Variants in RCAN1 observed in about 807,000 individuals in gnomAD.
RCAN1 encodes regulator of calcineurin 1.
RCAN1 carries 11 observed loss-of-function variants against 22.9 expected under a neutral mutation model. That is an observed-to-expected ratio of 0.48 (90% CI 0.30 to 0.79). The LOEUF (loss-of-function observed/expected upper bound fraction) is 0.79, where lower values mean the gene tolerates loss of function less well. Ranked by LOEUF, RCAN1 falls within the 30% of genes least tolerant of loss-of-function variation. The probability of loss-of-function intolerance (pLI) is 0.06; values close to 1 mark genes in which losing one functional copy is unlikely to be tolerated. For synonymous variants in RCAN1, 136 were observed against 142.3 expected, an observed-to-expected ratio of 0.96 and a Z score of 0.32; for missense variants, 291 against 337.8, an observed-to-expected ratio of 0.86 and a Z score of 1.09.
chr21:34,584,330 G>C (rs1601199237), intron 1 of RCAN1, among the ~76,000 whole-genome samples: 1 of 152,218 alleles, frequency 6.6e-6, no homozygotes, highest in East Asian at 1.9e-4. Context: ...AAAGCAAAAT[G>C]ATGATGAAAA....
chr21:34,555,555 G>C (rs1043510407), intron 1 of RCAN1, among the ~76,000 whole-genome samples: 2 of 146,544 alleles, frequency 1.4e-5, no homozygotes, highest in African/African-American at 5.2e-5. Context: ...CCTGGCGACA[G>C]AGCAAGGCTG....
intron 1 of RCAN1, among the ~76,000 whole-genome samples, chr21:34,602,783 A>C (rs998288818): frequency 2.0e-5 from 3 of 152,200 alleles, no homozygotes; most frequent in Admixed American, 2.0e-4. Context: ...AATTCCCATT[A>C]TCTCTGAAAT....
intron 1 of RCAN1, among the ~76,000 whole-genome samples, chr21:34,611,029 G>T (rs943589466): frequency 6.6e-6 from 1 of 152,068 alleles, no homozygotes. Flanking sequence ...CTGAAAAAAG[G>T]GTATTTGTTT....
intron 1 of RCAN1, chr21:34,527,019 TC>T: frequency 8.3e-7 from 1 of 1,210,568 alleles, no homozygotes; most frequent in Non-Finnish European, 1.0e-6. Flanking sequence ...TTAGTCATTT[TC>T]CCTATGCTAA....
intron 1 of RCAN1, among the ~76,000 whole-genome samples, chr21:34,588,915 G>A (rs1987884222): frequency 6.6e-6 from 1 of 152,196 alleles, no homozygotes; most frequent in South Asian, 2.1e-4. Context: ...GCTAAGTGAG[G>A]TAAGCCAGTC....
At position 34,614,953 on chromosome 21, in the gene RCAN1, GCCGCC is replaced by G; in HGVS notation, c.54_58del (p.Glu18AspfsTer34). On this transcript the variant is annotated frameshift_variant, in exon 1 of 4. Transcript: ENST00000313806. LOFTEE classifies it high-confidence loss of function. This position sits in a 1 kb window ranked among gnomAD's most constrained non-coding sequence, Gnocchi z 6.0. ...CACCCCGGGCCGCGCTCGCGCCTCGGCCGCCTCCGCCGCCTCCGCCGCGGCCCCGA... is the reference window on the plus strand; with the variant it reads ...CACCCCGGGCCGCGCTCGCGCCTCGGTCCGCCGCCTCCGCCGCGGCCCCGA... 1 of 1,112,376 alleles carries G rather than the reference GCCGCC, an allele frequency of 9.0e-7. No individual in the cohort carries two copies. The highest frequency in any genetic ancestry group is 1.1e-6 in the Non-Finnish European group (1 of 907,164). 68.9% of individuals were successfully genotyped at this position (1,112,376 alleles called of 1,614,324 possible).
chr21:34,548,498 A>C (rs1986231682), intron 1 of RCAN1, among the ~76,000 whole-genome samples: 1 of 152,212 alleles, frequency 6.6e-6, no homozygotes, highest in Admixed American at 6.5e-5. Flanking sequence ...GAGTAAAAAT[A>C]ATAATAAAAA....
At chr21:34,580,223 G>A (rs541797250) in intron 1 of RCAN1, among the ~76,000 whole-genome samples, 7 of 152,306 alleles carry the variant, frequency 4.6e-5, no homozygotes, top group African/African-American at 1.4e-4. Flanking sequence ...ATCTACCCCC[G>A]GGTATGCTAG....
chr21:34,579,121 G>A (rs543583067), intron 1 of RCAN1, among the ~76,000 whole-genome samples: 9 of 152,328 alleles, frequency 5.9e-5, no homozygotes, highest in East Asian at 3.9e-4. Flanking sequence ...ATGGCCGGGC[G>A]CGGTGGCTCA....
At chr21:34,572,707 G>A (rs1017855034) in intron 1 of RCAN1, among the ~76,000 whole-genome samples, 3 of 152,160 alleles carry the variant, frequency 2.0e-5, no homozygotes, top group Non-Finnish European at 4.4e-5. Context: ...AACTACCCAA[G>A]ACTGGGTAAT....
rs1984045246 is a variant in RCAN1 at position 34,516,455 on chromosome 21, C to A, written c.*1629G>T. ...TAAACTGCAGAATTTAGAAGGTTCA[C>A]AGATTTATTCTAGAAATAAAATGAC... On this transcript the variant is annotated 3_prime_UTR_variant, in exon 4 of 4. Coordinates refer to ENST00000313806, the MANE Select transcript of RCAN1 (RefSeq NM_004414.7). 1 of 152,164 alleles carries A rather than the reference C, an allele frequency of 6.6e-6. No homozygotes were observed. The highest frequency in any genetic ancestry group is 2.4e-5 in the African/African-American group (1 of 41,436). The allele number at this position is 152,164 out of a possible 1,614,324, so 9.4% of individuals were successfully genotyped here. A position where few individuals can be genotyped will look rare whatever the true frequency, so the allele number is the denominator to read the frequency against.
At chr21:34,528,838 A>G (rs988192602) in intron 1 of RCAN1, among the ~76,000 whole-genome samples, 1 of 152,290 alleles carries the variant, frequency 6.6e-6, no homozygotes. Flanking sequence ...TTCTCTTTTA[A>G]AATCATGACA....
At chr21:34,611,926 C>T (rs528318550) in intron 1 of RCAN1, among the ~76,000 whole-genome samples, 1 of 152,330 alleles carries the variant, frequency 6.6e-6, no homozygotes, top group East Asian at 1.9e-4. Context: ...GAGACTGGGA[C>T]TCCCTTAGCC....
chr21:34,529,620 A>G (rs1448387127), intron 1 of RCAN1, among the ~76,000 whole-genome samples: 1 of 152,226 alleles, frequency 6.6e-6, no homozygotes. Flanking sequence ...CAAAGCAAGT[A>G]TTTAAAAAGC....
rs748933797 is a variant in RCAN1 at position 34,614,719 on chromosome 21, T to A, written c.252+41A>T. The A allele has an allele frequency of 1.2e-5, 17 of 1,387,822 alleles. No homozygotes were observed. The highest frequency in any genetic ancestry group is 1.6e-5 in the Non-Finnish European group (17 of 1,064,704). 86.0% of individuals were successfully genotyped at this position (1,387,822 alleles called of 1,614,324 possible). A position where few individuals can be genotyped will look rare whatever the true frequency, so the allele number is the denominator to read the frequency against. On this transcript the variant is annotated intron_variant, in intron 1 of 3. Transcript: ENST00000313806. The surrounding 1 kb of genome is among the most constrained non-coding windows in gnomAD (Gnocchi z 6.0). ...GCGCCGCCTCCTCGGGCAACAAGTG[T>A]CCGCCCTCCGCCCCGACGGCCCGCC...
chr21:34,534,267 G>T (rs1022373587), intron 1 of RCAN1, among the ~76,000 whole-genome samples: 1 of 151,990 alleles, frequency 6.6e-6, no homozygotes, highest in Non-Finnish European at 1.5e-5. Context: ...ACTTTCTAAA[G>T]CTCCTCAGCC....
chr21:34,573,553 T>C (rs1459157693), intron 1 of RCAN1, among the ~76,000 whole-genome samples: 3 of 152,200 alleles, frequency 2.0e-5, no homozygotes, highest in Non-Finnish European at 4.4e-5. Flanking sequence ...ACCACTTTTT[T>C]CCTCTGTACA....
At chr21:34,582,228 C>T (rs771327545) in intron 1 of RCAN1, among the ~76,000 whole-genome samples, 40 of 152,262 alleles carry the variant, frequency 2.6e-4, no homozygotes, top group Middle Eastern at 3.4e-3. Context: ...CTTCCAAGCT[C>T]CTAAGGTACT....
At chr21:34,537,228 G>C (rs1601150333) in intron 1 of RCAN1, among the ~76,000 whole-genome samples, 1 of 152,066 alleles carries the variant, frequency 6.6e-6, no homozygotes, top group Admixed American at 6.5e-5. Context: ...GTGCCAACCT[G>C]GTTCATCAGG....
Sources: allele counts gnomAD v4.1 joint callset (sites outside exome capture counted in the v4.1 genomes callset), GRCh38; gene constraint gnomAD v4.1.1; non-coding constraint Gnocchi (gnomAD v3.1); transcripts MANE v1.5; gene names NCBI Gene and HGNC (gene_info 2026-07-23, HGNC 2026-07-21).